The following ELFN2 variants were observed in gnomAD, a reference collection of about 807,000 sequenced individuals.
ELFN2 encodes extracellular leucine rich repeat and fibronectin type III domain containing 2.
ELFN2 carries 17 observed loss-of-function variants against 45.5 expected under a neutral mutation model. The observed-to-expected ratio is 0.37, with a 90% CI of 0.26 to 0.56. The LOEUF is 0.56. ELFN2 is among the 20% of genes least tolerant of loss of function. The probability of loss-of-function intolerance (pLI) is 0.77; values close to 1 mark genes in which losing one functional copy is unlikely to be tolerated. For missense variants in ELFN2, 922 were observed against 1,183.2 expected, an observed-to-expected ratio of 0.78 and a Z score of 3.24; for synonymous variants, 550 against 551.5, an observed-to-expected ratio of 1.00 and a Z score of 0.04.
chr22:37,385,662 G>A (rs1266618941), intron 2 of ELFN2, among the ~76,000 whole-genome samples: 1 of 152,194 alleles, frequency 6.6e-6, no homozygotes, highest in Non-Finnish European at 1.5e-5. Flanking sequence ...GTGGGGACAC[G>A]TAGAAACCCA....
At chr22:37,413,298 C>T (rs1932696898) in intron 2 of ELFN2, among the ~76,000 whole-genome samples, 1 of 151,978 alleles carries the variant, frequency 6.6e-6, no homozygotes, top group African/African-American at 2.4e-5. Context: ...AAATCAAAGT[C>T]TCAAATCCCT....
chr22:37,373,367 C>G lies in ELFN2; in HGVS notation c.2168G>C (p.Ser723Thr). 1 of 1,612,512 alleles carries G rather than the reference C, an allele frequency of 6.2e-7. No homozygotes were observed. ...GAGGAAGGACACGCGCTGGCTCAGG[C>G]TGTCGGCACCCTCCTCGTAGTACAG... Reference protein sequence around the residue: ...PALYYEEGADSLSQRVSFLKP... With the variant: ...PALYYEEGADTLSQRVSFLKP... Residue 723 changes from serine (S) to threonine (T), a missense_variant, in exon 3 of 3, where the codon AGC (serine) becomes ACC (threonine). Physicochemically the swap from Ser to Thr is moderately conservative, Grantham distance 58. Around this residue, in one of 2 missense-constraint regions of ELFN2, gnomAD observed 564 missense variants for 642.8 expected, o/e 0.88. Coordinates refer to ENST00000402918, the MANE Select transcript of ELFN2 (RefSeq NM_052906.5).
intron 1 of ELFN2, among the ~76,000 whole-genome samples, chr22:37,355,479 G>A (rs931351120): frequency 6.6e-6 from 1 of 152,214 alleles, no homozygotes; most frequent in Non-Finnish European, 1.5e-5. Context: ...CCGTGGTGGC[G>A]AGGTGGAGGT....
In ELFN2 at chr22:37,427,362, CGTGTGA is replaced by C. The variant is rs1932861567; in HGVS notation, c.-684_-679del. ...GGAAGCGGCGGCCGCGGGGCCTGCG[CGTGTGA>C]GTGTGAGTGTGAATGTGAGTGTGAG... On this transcript the variant is annotated 5_prime_UTR_variant, in exon 1 of 3. Transcript: ENST00000402918. 2.6e-5 allele frequency: 4 copies of C among 153,452 alleles called. No homozygotes were observed. Among genetic ancestry groups the C allele is most frequent in the Admixed American group, 6.5e-5 (1 of 15,290 alleles). 9.5% of individuals were successfully genotyped at this position (153,452 alleles called of 1,614,324 possible). A position where few individuals can be genotyped will look rare whatever the true frequency, so the allele number is the denominator to read the frequency against.
intron 1 of ELFN2, among the ~76,000 whole-genome samples, chr22:37,361,178 A>G (rs984567021): frequency 6.6e-6 from 1 of 152,108 alleles, no homozygotes; most frequent in Non-Finnish European, 1.5e-5. Context: ...GTAGAAGAAG[A>G]CTTGTGAGTT....
At chr22:37,348,583 G>A (rs1030006536) in intron 1 of ELFN2, among the ~76,000 whole-genome samples, 2 of 150,548 alleles carry the variant, frequency 1.3e-5, no homozygotes. Flanking sequence ...CCCCGGGCCA[G>A]ATCAGACCTC....
intron 1 of ELFN2, among the ~76,000 whole-genome samples, chr22:37,423,211 T>C (rs1932823457): frequency 1.3e-5 from 2 of 151,970 alleles, no homozygotes; most frequent in Non-Finnish European, 2.9e-5. Flanking sequence ...TTTGGGGGTG[T>C]CCCATCTCTG....
At chr22:37,416,466 C>T (rs1302451096) in intron 2 of ELFN2, among the ~76,000 whole-genome samples, 1 of 152,092 alleles carries the variant, frequency 6.6e-6, no homozygotes, top group East Asian at 1.9e-4. Context: ...CGGATGGGGA[C>T]AAAGTCACTT....
At chr22:37,389,787 C>T (rs1201239150) in intron 2 of ELFN2, among the ~76,000 whole-genome samples, 1 of 152,186 alleles carries the variant, frequency 6.6e-6, no homozygotes, top group Non-Finnish European at 1.5e-5. Flanking sequence ...GGACAGGACC[C>T]CATCTTCCTG....
chr22:37,357,241 T>A (rs768725630), intron 1 of ELFN2, among the ~76,000 whole-genome samples: 1 of 152,204 alleles, frequency 6.6e-6, no homozygotes, highest in Non-Finnish European at 1.5e-5. Flanking sequence ...GTTCCTGGAA[T>A]CTGCTACTTC....
At position 37,387,860 on chromosome 22, in the gene ELFN2, C is replaced by A. The variant is rs117119666; in HGVS notation, c.-462-11864G>T. On this transcript the variant is annotated intron_variant, in intron 2 of 2. Transcript: ENST00000402918. ...AGCTCTGGGCTGACCACACCCAAAC[C>A]ACCGTACCCAGCTGCCTCCGGGGCC... 3.4e-3 allele frequency among the ~76,000 whole-genome samples: 520 copies of A among 152,060 alleles called. 3 individuals carry two copies. Among genetic ancestry groups the A allele is most frequent in the Non-Finnish European group, 2.8e-3 (190 of 67,946 alleles).
intron 2 of ELFN2, among the ~76,000 whole-genome samples, chr22:37,392,454 A>C (rs1932108452): frequency 1.3e-5 from 2 of 151,526 alleles, no homozygotes; most frequent in Admixed American, 1.3e-4. Flanking sequence ...AGTAGCTGGG[A>C]CTAGAGGCGC....
chr22:37,344,340 A>G (rs557567644), intron 1 of ELFN2, among the ~76,000 whole-genome samples: 117 of 151,552 alleles, frequency 7.7e-4, no homozygotes, highest in African/African-American at 2.7e-3. Context: ...GCTCCCACAG[A>G]TATCTCCTAC....
At position 37,374,807 on chromosome 22, in the gene ELFN2, G is replaced by C. The variant is rs921922743; in HGVS notation, c.728C>G (p.Ala243Gly). Residue 243 changes from alanine to glycine, a missense_variant, in exon 3 of 3, where the codon GCC becomes GGC. Physicochemically the swap from Ala to Gly is moderately conservative, Grantham distance 60. This residue lies in a region of ELFN2 where 358 missense variants were observed against 540.4 expected (regional missense o/e 0.66). Coordinates refer to ENST00000402918, the MANE Select transcript of ELFN2 (RefSeq NM_052906.5). ...GGGCAGCGAGCCATTCCGACACTTG[G>C]CCTGGAGTACGGTGATGGCGTTGAG... is the stretch of plus-strand genomic sequence containing the variant. Reference protein sequence around the residue: ...HSLNAITVLQAKCRNGSLPAR... With the variant: ...HSLNAITVLQGKCRNGSLPAR... 1.2e-6 allele frequency: 2 copies of C among 1,607,356 alleles called. No homozygotes were observed. Among genetic ancestry groups the C allele is most frequent in the Non-Finnish European group, 8.5e-7 (1 of 1,179,550 alleles).
chr22:37,405,118 G>A lies in ELFN2; in HGVS notation c.-463+12651C>T, dbSNP rs184798710. Among the ~76,000 whole-genome samples, 894 of 109,352 alleles carry A rather than the reference G, an allele frequency of 8.2e-3. 17 individuals carry two copies. The highest frequency in any genetic ancestry group is 0.028 in the African/African-American group (862 of 31,174). 71.7% of individuals were successfully genotyped at this position (109,352 alleles called of 152,430 possible). A position where few individuals can be genotyped will look rare whatever the true frequency, so the allele number is the denominator to read the frequency against. ...TTTTTTTTTTTTTTTTTTTTGAGAC[G>A]GAGTCTCGCTCTTGCCCAGGCTGGA... On this transcript the variant is annotated intron_variant, in intron 2 of 2. Coordinates refer to ENST00000402918, the MANE Select transcript of ELFN2 (RefSeq NM_052906.5).
intron 1 of ELFN2, among the ~76,000 whole-genome samples, chr22:37,361,883 C>T (rs1177074350): frequency 6.6e-6 from 1 of 152,210 alleles, no homozygotes; most frequent in Non-Finnish European, 1.5e-5. Flanking sequence ...GCCCATAGGA[C>T]ACCCTCTTCT....
intron 1 of ELFN2, among the ~76,000 whole-genome samples, 158 bp from the exon 2 acceptor site, chr22:37,418,077 A>T (rs1932780005): frequency 6.6e-6 from 1 of 152,092 alleles, no homozygotes. Context: ...TATACCACAA[A>T]TGAATATCAG....
Position 37,373,744 on chromosome 22 carries a change from C to T in ELFN2, c.1791G>A (p.Glu597=), listed in dbSNP as rs569021339. 6.4e-7 allele frequency: 1 copy of T among 1,570,056 alleles called. No individual in the cohort carries two copies. The highest frequency in any genetic ancestry group is 2.0e-5 in the Admixed American group (1 of 49,346). Residue 597 remains glutamate, a synonymous_variant, in exon 3 of 3, where the codon GAG becomes GAA. Transcript: ENST00000402918. ...ASSATGPGAL[E]RPSFLSPPYK... The stretch of plus-strand genomic sequence containing the variant: ...AGGGAGGCGAAAGGAAGCTGGGCCG[C>T]TCCAGGGCCCCGGGGCCAGTGGCTG...
intron 1 of ELFN2, among the ~76,000 whole-genome samples, chr22:37,348,391 A>G (rs1930745300): frequency 7.3e-6 from 1 of 137,516 alleles, no homozygotes; most frequent in Admixed American, 7.0e-5. Flanking sequence ...GGGTTGAGAA[A>G]CAACCCTGTG....
Sources: allele counts gnomAD v4.1 joint callset (sites outside exome capture counted in the v4.1 genomes callset), GRCh38; gene constraint gnomAD v4.1.1; regional missense constraint gnomAD v4.1.1; transcripts MANE v1.5; gene names NCBI Gene and HGNC (gene_info 2026-07-23, HGNC 2026-07-21).